Variants in CADM2 observed in about 807,000 individuals in gnomAD.
The protein encoded by CADM2 is immunoglobulin superfamily member 4D.
In CADM2, 12 loss-of-function variants were observed where a neutral mutation model predicts 49.8. The ratio of observed to expected loss-of-function variants is 0.24; its 90% confidence interval spans 0.15 to 0.39. The LOEUF is 0.39. CADM2 is among the 10% of genes least tolerant of loss of function. The pLI, the probability that CADM2 is intolerant of heterozygous loss-of-function variation, is 1.00. For synonymous variants in CADM2, 214 were observed against 175.4 expected (o/e 1.22, Z -1.74); for missense variants, 378 against 492.3 (o/e 0.77, Z 2.20).
intron 1 of CADM2, among the ~76,000 whole-genome samples, chr3:85,314,135 A>T (rs1283281594): frequency 1.3e-5 from 2 of 152,000 alleles, no homozygotes; most frequent in East Asian, 1.9e-4. Flanking sequence ...TGATCTGCCC[A>T]CCTCGGCCTC....
chr3:84,961,821 A>G (rs1013414556), intron 1 of CADM2, among the ~76,000 whole-genome samples: 38 of 152,188 alleles, frequency 2.5e-4, no homozygotes, highest in Admixed American at 1.3e-4. Flanking sequence ...ATTATAGAGC[A>G]TGTGGGCCAT....
At chr3:85,866,863 TACACACATGCACAAACGTGC>T (rs2075742412) in intron 3 of CADM2, among the ~76,000 whole-genome samples, 1 of 152,048 alleles carries the variant, frequency 6.6e-6, no homozygotes, top group Non-Finnish European at 1.5e-5. Flanking sequence ...ATATAACACA[TACACACATGCACAAACGTGC>T]ATTCATGCTA....
chr3:85,629,130 A>G (rs1346703423), intron 1 of CADM2, among the ~76,000 whole-genome samples: 1 of 151,860 alleles, frequency 6.6e-6, no homozygotes, highest in Non-Finnish European at 1.5e-5. Flanking sequence ...AGACACAGCT[A>G]TTATATATGG....
intron 1 of CADM2, among the ~76,000 whole-genome samples, chr3:85,178,801 C>G (rs970267777): frequency 4.0e-5 from 6 of 151,566 alleles, no homozygotes; most frequent in African/African-American, 1.2e-4. Flanking sequence ...ACTTAAACCT[C>G]AGGTTTAAGT....
intron 6 of CADM2, among the ~76,000 whole-genome samples, chr3:85,924,085 A>C (rs1015253274): frequency 6.6e-6 from 1 of 152,198 alleles, no homozygotes; most frequent in Non-Finnish European, 1.5e-5. Flanking sequence ...AAATTTCATA[A>C]TGTATCTTAG....
intron 8 of CADM2, chr3:86,012,592 C>A: frequency 3.2e-6 from 5 of 1,571,016 alleles, no homozygotes; most frequent in Non-Finnish European, 4.3e-6. Flanking sequence ...CCCAACTGCA[C>A]GCGAAGCGCA....
At chr3:85,298,142 A>T (rs1347757804) in intron 1 of CADM2, among the ~76,000 whole-genome samples, 1 of 152,082 alleles carries the variant, frequency 6.6e-6, no homozygotes, top group East Asian at 1.9e-4. Flanking sequence ...GTTTAAGTCA[A>T]ATAGCCTGAG....
intron 1 of CADM2, among the ~76,000 whole-genome samples, chr3:85,255,119 T>G (rs2042856863): frequency 6.6e-6 from 1 of 152,090 alleles, no homozygotes; most frequent in South Asian, 2.1e-4. Flanking sequence ...ACTATTCACT[T>G]TTAACAGTAA....
At chr3:85,727,594 T>C (rs557401825) in intron 2 of CADM2, among the ~76,000 whole-genome samples, 2 of 152,302 alleles carry the variant, frequency 1.3e-5, no homozygotes, top group African/African-American at 2.4e-5. Flanking sequence ...CAGAAATTAT[T>C]TGATAATGAA....
At position 85,427,200 on chromosome 3, in the gene CADM2, A is replaced by ATATATATATATT. The variant is rs1491378560; in HGVS notation, c.62-299321_62-299320insATATATATATTT. 1.9e-4 allele frequency among the ~76,000 whole-genome samples: 24 copies of ATATATATATATT among 126,620 alleles called. 1 individual carries two copies. The South Asian group carries it at 2.7e-3, about 14-fold the overall frequency. 83.1% of individuals were successfully genotyped at this position (126,620 alleles called of 152,430 possible). On this transcript the variant is annotated intron_variant, in intron 1 of 9. Coordinates refer to ENST00000383699, the MANE Select transcript of CADM2 (RefSeq NM_001167675.2). ...TATATATATATATATATATATATAT[A>ATATATATATATT]TGTATAATAAGTTTGTAGCTACCAT... is the stretch of plus-strand genomic sequence containing the variant.
intron 3 of CADM2, among the ~76,000 whole-genome samples, chr3:85,829,508 A>G (rs566508271): frequency 2.0e-4 from 31 of 152,148 alleles, no homozygotes; most frequent in South Asian, 8.3e-4. Flanking sequence ...AAGATTGTAT[A>G]TATTTAAGTT....
chr3:85,989,150 G>A (rs1728468400), intron 8 of CADM2, among the ~76,000 whole-genome samples: 1 of 152,052 alleles, frequency 6.6e-6, no homozygotes, highest in South Asian at 2.1e-4. Flanking sequence ...GAAACTAATG[G>A]CCATCTCAAA....
chr3:85,429,902 C>A lies in CADM2; in HGVS notation c.62-296620C>A, dbSNP rs555393964. Reference sequence around the variant, plus strand: ...GAAAATAGTTGCTCATTTTGTTTCACAAACCCTAAAATACTATCTGGCTCC... The same window carrying A: ...GAAAATAGTTGCTCATTTTGTTTCAAAAACCCTAAAATACTATCTGGCTCC... On this transcript the variant is annotated intron_variant, in intron 1 of 9. Transcript: ENST00000383699. 2.0e-5 allele frequency among the ~76,000 whole-genome samples: 3 copies of A among 152,192 alleles called. No homozygotes were observed. In the South Asian group the frequency reaches 6.2e-4, roughly 32 times the overall value.
At chr3:85,950,401 A>C (rs1404255387) in intron 7 of CADM2, among the ~76,000 whole-genome samples, 2 of 151,264 alleles carry the variant, frequency 1.3e-5, no homozygotes, top group Non-Finnish European at 3.0e-5. Context: ...TGATCATAGC[A>C]ATCTTATCTT....
At chr3:85,159,705 G>C (rs997679746) in intron 1 of CADM2, among the ~76,000 whole-genome samples, 1 of 152,082 alleles carries the variant, frequency 6.6e-6, no homozygotes, top group Non-Finnish European at 1.5e-5. Context: ...TACAAGCTTG[G>C]TTTATTTTTG....
At chr3:85,804,104 G>A (rs1012575727) in intron 3 of CADM2, among the ~76,000 whole-genome samples, 19 of 151,868 alleles carry the variant, frequency 1.3e-4, no homozygotes, top group Non-Finnish European at 1.2e-4. Flanking sequence ...TTTGCTTTTC[G>A]TATTAATTGG....
rs186320654 is a variant in CADM2 at position 85,004,124 on chromosome 3, A to G, written c.61+44456A>G. Among the ~76,000 whole-genome samples, 8 of 152,268 alleles carry G rather than the reference A, an allele frequency of 5.3e-5. No individual in the cohort carries two copies. In the East Asian group the frequency reaches 1.5e-3, roughly 29 times the overall value. On this transcript the variant is annotated intron_variant, in intron 1 of 9. Coordinates refer to ENST00000383699, the MANE Select transcript of CADM2 (RefSeq NM_001167675.2). ...TACATGATTAAATTGTTGATTGCTG[A>G]TAATAATGACAAAGTTAGAAGTTTT...
intron 1 of CADM2, among the ~76,000 whole-genome samples, chr3:85,408,393 C>T (rs1490668894): frequency 6.6e-6 from 1 of 152,130 alleles, no homozygotes; most frequent in African/African-American, 2.4e-5. Context: ...TAGTCTAATT[C>T]TGGAATGGAT....
At chr3:85,992,603 T>G (rs111761306) in intron 8 of CADM2, 1 of 152,174 alleles carries the variant, frequency 6.6e-6, no homozygotes, top group Non-Finnish European at 1.5e-5. Context: ...CACACATTTT[T>G]GTTTGTTTCT....
Sources: allele counts gnomAD v4.1 joint callset (sites outside exome capture counted in the v4.1 genomes callset), GRCh38; gene constraint gnomAD v4.1.1; transcripts MANE v1.5; gene names NCBI Gene and HGNC (gene_info 2026-07-23, HGNC 2026-07-21).